Variants in TNS1 observed in about 807,000 individuals in gnomAD.
TNS1 encodes the protein tensin 1, also known as tensin-1.
Under a neutral mutation model 168.6 loss-of-function variants are expected in TNS1, and 62 were observed. That is an observed-to-expected ratio of 0.37 (90% CI 0.30 to 0.45). The LOEUF is 0.45. Ranked by LOEUF, TNS1 falls within the 20% of genes least tolerant of loss-of-function variation. The pLI, the probability that TNS1 is intolerant of heterozygous loss-of-function variation, is 1.00. For missense variants in TNS1, 2,240 were observed against 2,339.4 expected (o/e 0.96, Z 0.88); for synonymous variants, 934 against 933.2 (o/e 1.00, Z -0.02).
intron 4 of TNS1, among the ~76,000 whole-genome samples, chr2:217,914,075 T>C (rs1050567757): frequency 7.9e-5 from 12 of 151,548 alleles, no homozygotes; most frequent in East Asian, 7.7e-4. Flanking sequence ...ACGCCCTCCC[T>C]CCTTCCCTCC....
intron 3 of TNS1, among the ~76,000 whole-genome samples, chr2:217,976,073 C>T (rs1467343671): frequency 6.6e-6 from 1 of 152,178 alleles, no homozygotes; most frequent in Non-Finnish European, 1.5e-5. Flanking sequence ...ATCTGGGTCC[C>T]ACCTCACATG....
intron 22 of TNS1, 97 bp downstream of exon 22, chr2:217,831,358 G>A: frequency 3.6e-6 from 4 of 1,115,484 alleles, no homozygotes; most frequent in East Asian, 2.9e-5. Flanking sequence ...CACAAAGCTG[G>A]CTGCTGACCA....
In TNS1 at chr2:217,914,552, G is replaced by T. The variant is rs548680943; in HGVS notation, c.228+5643C>A. 1.8e-4 allele frequency among the ~76,000 whole-genome samples: 27 copies of T among 151,150 alleles called. 1 individual carries two copies. The highest frequency in any genetic ancestry group is 5.8e-4 in the African/African-American group (24 of 41,232). The stretch of plus-strand genomic sequence containing the variant: ...TTTTGACACGGAGTCTCGCTCTGTC[G>T]CCAGACTGGAGTGCAGTGGTGCGAT... On this transcript the variant is annotated intron_variant, in intron 4 of 32. Transcript: ENST00000682258.
chr2:217,945,986 C>T (rs1957095632), intron 3 of TNS1, among the ~76,000 whole-genome samples: 2 of 152,104 alleles, frequency 1.3e-5, no homozygotes, highest in South Asian at 4.2e-4. Context: ...TCCATCTTCC[C>T]CTTCTCTTCC....
At chr2:217,839,234 T>C (rs1945602118) in intron 19 of TNS1, among the ~76,000 whole-genome samples, 1 of 152,128 alleles carries the variant, frequency 6.6e-6, no homozygotes, top group Non-Finnish European at 1.5e-5. Flanking sequence ...CCCAGGAGGC[T>C]GAGAAGGCTG....
chr2:217,926,370 T>C (rs935602208), intron 3 of TNS1, among the ~76,000 whole-genome samples: 13 of 152,248 alleles, frequency 8.5e-5, no homozygotes, highest in African/African-American at 2.4e-4. Flanking sequence ...TAAGGCTGAA[T>C]ACTGTTCCAT....
At chr2:217,838,087 G>A (rs1559204465) in intron 19 of TNS1, among the ~76,000 whole-genome samples, 1 of 152,232 alleles carries the variant, frequency 6.6e-6, no homozygotes, top group South Asian at 2.1e-4. Context: ...TTGGGGTTTG[G>A]AACTCAGTTC....
chr2:217,868,158 G>A (rs1949449465), intron 18 of TNS1, among the ~76,000 whole-genome samples: 1 of 152,244 alleles, frequency 6.6e-6, no homozygotes, highest in Admixed American at 6.5e-5. Context: ...ATGTACTAAA[G>A]AATGTAGATG....
intron 13 of TNS1, 72 bp downstream of exon 13, chr2:217,886,462 C>G: frequency 1.6e-6 from 2 of 1,251,782 alleles, no homozygotes; most frequent in South Asian, 1.3e-5. Flanking sequence ...CCCAAGGTTG[C>G]CTCTTAGAGA....
intron 4 of TNS1, among the ~76,000 whole-genome samples, chr2:217,917,812 C>T (rs1031666411): frequency 3.8e-5 from 5 of 131,252 alleles, no homozygotes; most frequent in Admixed American, 3.4e-4. Context: ...GCCTGGGCAA[C>T]ACAGTGAGAC....
intron 4 of TNS1, among the ~76,000 whole-genome samples, 162 bp from the exon 5 acceptor site, chr2:217,907,413 G>A (rs186554484): frequency 1.7e-4 from 26 of 152,366 alleles, no homozygotes; most frequent in African/African-American, 6.3e-4. Flanking sequence ...CCAAGCACAG[G>A]AGGGAGAGTT....
intron 18 of TNS1, among the ~76,000 whole-genome samples, chr2:217,857,964 G>A (rs1353871732): frequency 6.6e-6 from 1 of 152,194 alleles, no homozygotes; most frequent in Non-Finnish European, 1.5e-5. Flanking sequence ...GGCTAGAGGA[G>A]AGTCAAGCTG....
intron 18 of TNS1, among the ~76,000 whole-genome samples, chr2:217,857,019 A>G (rs904492350): frequency 2.6e-5 from 4 of 152,164 alleles, no homozygotes; most frequent in African/African-American, 9.7e-5. Flanking sequence ...AGTCCAAGAA[A>G]AAAAGAGGGA....
rs1559141324 is a variant in TNS1 at position 217,809,522 on chromosome 2, T to TGG, written c.5273+300_5273+301insCC. On this transcript the variant is annotated intron_variant, in intron 30 of 32. Transcript: ENST00000682258. ...ATGGATGCATGGATGGATGGATGGA[T>TGG]AGGTGCATGGATGGATGCATGGATG... Among the ~76,000 whole-genome samples, 9 of 55,202 alleles carry TGG rather than the reference T, an allele frequency of 1.6e-4. 2 individuals are homozygous for TGG. Among genetic ancestry groups the TGG allele is most frequent in the African/African-American group, 4.0e-4 (4 of 9,928 alleles). 36.2% of individuals were successfully genotyped at this position (55,202 alleles called of 152,430 possible).
chr2:217,833,711 C>T (rs953959285), intron 21 of TNS1, among the ~76,000 whole-genome samples: 3 of 152,160 alleles, frequency 2.0e-5, no homozygotes, highest in African/African-American at 7.2e-5. Context: ...CACACATGGC[C>T]GCAGAGCCGT....
chr2:217,967,668 T>C (rs1957681535), intron 3 of TNS1, among the ~76,000 whole-genome samples: 1 of 151,994 alleles, frequency 6.6e-6, no homozygotes, highest in South Asian at 2.1e-4. Flanking sequence ...GAACTGGCAA[T>C]CAAAAAACTA....
At chr2:217,827,643 G>T (rs567047457) in intron 22 of TNS1, among the ~76,000 whole-genome samples, 6 of 152,196 alleles carry the variant, frequency 3.9e-5, no homozygotes, top group Non-Finnish European at 8.8e-5. Context: ...CTCCAGTCTG[G>T]CTCCATTACC....
intron 32 of TNS1, among the ~76,000 whole-genome samples, chr2:217,807,759 T>C (rs948482826): frequency 6.6e-6 from 1 of 152,226 alleles, no homozygotes; most frequent in Non-Finnish European, 1.5e-5. Flanking sequence ...GAAAAGATCA[T>C]GTAAGCAATC....
At chr2:217,918,572 C>T (rs1955372662) in intron 4 of TNS1, among the ~76,000 whole-genome samples, 7 of 152,340 alleles carry the variant, frequency 4.6e-5, no homozygotes, top group Admixed American at 3.9e-4. Flanking sequence ...TTGTCCTAAC[C>T]TCTGACCGCT....
Sources: allele counts gnomAD v4.1 joint callset (sites outside exome capture counted in the v4.1 genomes callset), GRCh38; gene constraint gnomAD v4.1.1; transcripts MANE v1.5; gene names NCBI Gene and HGNC (gene_info 2026-07-23, HGNC 2026-07-21).